The following MIOS variants were observed in gnomAD, a reference collection of about 807,000 sequenced individuals.
The protein encoded by MIOS is meiosis regulator for oocyte development.
A neutral mutation model predicts 96.9 loss-of-function variants in MIOS; 52 were observed. That is an observed-to-expected ratio of 0.54 (90% CI 0.43 to 0.68). MIOS has a LOEUF of 0.68. Ranked by LOEUF, MIOS falls within the 30% of genes least tolerant of loss-of-function variation. MIOS has a pLI of 0.00. For missense variants in MIOS, 1,005 were observed against 1,052.8 expected (o/e 0.95, Z 0.63); for synonymous variants, 397 against 359.5 (o/e 1.10, Z -1.18).
Position 7,568,060 on chromosome 7 carries a change from A to G in MIOS, c.-104A>G, listed in dbSNP as rs2115322168. On this transcript the variant is annotated 5_prime_UTR_variant, in exon 3 of 13. Coordinates refer to ENST00000340080, the MANE Select transcript of MIOS (RefSeq NM_019005.4). ...AAATATTCTGGTGAATGAACACAGA[A>G]TCAGCATGGCTTTCCTTTGCTGAGA... 1 of 152,388 alleles carries G rather than the reference A, an allele frequency of 6.6e-6. No homozygotes were observed. The highest frequency in any genetic ancestry group is 1.9e-4 in the East Asian group (1 of 5,190). 9.4% of individuals were successfully genotyped at this position (152,388 alleles called of 1,614,324 possible). A position where few individuals can be genotyped will look rare whatever the true frequency, so the allele number is the denominator to read the frequency against.
intron 3 of MIOS, among the ~76,000 whole-genome samples, chr7:7,570,854 T>C (rs1783327890): frequency 6.6e-6 from 1 of 152,146 alleles, no homozygotes; most frequent in Non-Finnish European, 1.5e-5. Context: ...GCTGCTCACC[T>C]CCTGCTGTGT....
At chr7:7,581,912 C>A (rs915883639) in intron 5 of MIOS, 2 of 151,514 alleles carry the variant, frequency 1.3e-5, no homozygotes, top group Non-Finnish European at 2.9e-5. Flanking sequence ...TTAATTATAT[C>A]TGCAAAATGC....
chr7:7,585,381 A>G (rs1429564108), intron 6 of MIOS, among the ~76,000 whole-genome samples: 1 of 150,042 alleles, frequency 6.7e-6, no homozygotes, highest in Non-Finnish European at 1.5e-5. Context: ...GTCTTTGCCA[A>G]ATTTTCCAGT....
intron 11 of MIOS, among the ~76,000 whole-genome samples, chr7:7,603,792 G>A (rs1784446721): frequency 6.6e-6 from 1 of 152,036 alleles, no homozygotes; most frequent in Non-Finnish European, 1.5e-5. Context: ...ATTCACAATA[G>A]CAAAGACTTG....
chr7:7,576,716 T>G (rs1202868084), intron 5 of MIOS, among the ~76,000 whole-genome samples: 1 of 152,146 alleles, frequency 6.6e-6, no homozygotes, highest in Non-Finnish European at 1.5e-5. Flanking sequence ...ATTTGTGTTT[T>G]AAAAGGATCA....
At chr7:7,601,517 A>C (rs1784378014) in intron 11 of MIOS, among the ~76,000 whole-genome samples, 2 of 152,168 alleles carry the variant, frequency 1.3e-5, no homozygotes, top group African/African-American at 4.8e-5. Context: ...CCAAGACTAA[A>C]CCAGGAAGAA....
At chr7:7,589,817 A>G (rs1421889459) in intron 9 of MIOS, among the ~76,000 whole-genome samples, 1 of 152,154 alleles carries the variant, frequency 6.6e-6, no homozygotes, top group East Asian at 1.9e-4. Context: ...TAAAGCTCAA[A>G]TTGAATAGAG....
chr7:7,583,212 T>C lies in MIOS; in HGVS notation c.1488T>C (p.Leu496=). ...AAGAGAGAATCTTAGCTTTACAGCTTTGTGGGTGGATAAAGAAAGGAACGG... is the reference window on the plus strand; with the variant it reads ...AAGAGAGAATCTTAGCTTTACAGCTCTGTGGGTGGATAAAGAAAGGAACGG... ...LNEERILALQ[L]CGWIKKGTDV... is the part of the protein sequence containing the mutation. Residue 496 remains leucine (L), a synonymous_variant, in exon 6 of 13, where the codon CTT becomes CTC. Coordinates refer to ENST00000340080, the MANE Select transcript of MIOS (RefSeq NM_019005.4). 2 of 1,614,118 alleles carry C rather than the reference T, an allele frequency of 1.2e-6. No homozygotes were observed. Among genetic ancestry groups the C allele is most frequent in the South Asian group, 1.1e-5 (1 of 91,080 alleles).
Position 7,589,415 on chromosome 7 carries a change from A to G in MIOS, c.1895A>G (p.Tyr632Cys). The part of the protein sequence containing the change: ...KFLSDTQLNR[Y>C]IEKLTNEMKE... Reference sequence around the variant, plus strand: ...CTTTAAATTTTCCAGTTAAATAGATACATCGAAAAGTTGACCAATGAAATG... The same window carrying G: ...CTTTAAATTTTCCAGTTAAATAGATGCATCGAAAAGTTGACCAATGAAATG... Residue 632 changes from tyrosine (Y) to cysteine (C), a missense_variant, in exon 9 of 13, where the codon TAC becomes TGC. By Grantham distance (194) the Tyr-to-Cys change is radical. This residue lies in a region of MIOS where 865 missense variants were observed against 887.9 expected (regional missense o/e 0.97). Transcript: ENST00000340080. The G allele has an allele frequency of 6.2e-7, 1 of 1,613,320 alleles. No homozygotes were observed. Among genetic ancestry groups the G allele is most frequent in the South Asian group, 1.1e-5 (1 of 91,002 alleles).
chr7:7,597,827 C>A (rs572558665), intron 11 of MIOS, among the ~76,000 whole-genome samples: 1 of 151,978 alleles, frequency 6.6e-6, no homozygotes, highest in African/African-American at 2.4e-5. Context: ...ATCCTCCCAC[C>A]TCAGCCTCCC....
At chr7:7,594,313 T>TC (rs1784139696) in intron 9 of MIOS, among the ~76,000 whole-genome samples, 1 of 25,842 alleles carries the variant, frequency 3.9e-5, no homozygotes, top group Non-Finnish European at 1.6e-4. Flanking sequence ...CATTTGGACT[T>TC]TTTTTTTTTT....
Position 7,608,462 on chromosome 7 carries a change from A to C in MIOS, c.*1370A>C, listed in dbSNP as rs988016878. ...ATTTTTTACCTTGAGTGTCTGATAC[A>C]TAAAACCCTTTTCTAGGAAAACATT... On this transcript the variant is annotated 3_prime_UTR_variant, in exon 13 of 13. Transcript: ENST00000340080. The C allele has an allele frequency of 2.0e-5, 3 of 152,102 alleles. No homozygotes were observed. The highest frequency in any genetic ancestry group is 7.2e-5 in the African/African-American group (3 of 41,458). The allele number at this position is 152,102 out of a possible 1,614,324, so 9.4% of individuals were successfully genotyped here.
intron 5 of MIOS, among the ~76,000 whole-genome samples, chr7:7,580,878 G>T (rs1447301594): frequency 6.7e-6 from 1 of 149,750 alleles, no homozygotes; most frequent in Non-Finnish European, 1.5e-5. Flanking sequence ...GTAGAGACCG[G>T]GTTTTGCCAT....
rs149990139 is a variant in MIOS, at chr7:7,608,003, T to C, written c.*911T>C. 1 of 152,292 alleles carries C rather than the reference T, an allele frequency of 6.6e-6. No homozygotes were observed. The highest frequency in any genetic ancestry group is 1.5e-5 in the Non-Finnish European group (1 of 68,004). 9.4% of individuals were successfully genotyped at this position (152,292 alleles called of 1,614,324 possible). On this transcript the variant is annotated 3_prime_UTR_variant, in exon 13 of 13. Transcript: ENST00000340080. ...ATTTAGTATAATCTATGTCAGTGTT[T>C]CTGTGCTGTCAAATTCCGTCCTGAT... is the stretch of plus-strand genomic sequence containing the variant.
chr7:7,591,263 G>A (rs914334892), intron 9 of MIOS, among the ~76,000 whole-genome samples: 1 of 148,234 alleles, frequency 6.7e-6, no homozygotes, highest in African/African-American at 2.5e-5. Flanking sequence ...TCTTATGCTT[G>A]TCTCCCTGTC....
At position 7,607,627 on chromosome 7, in the gene MIOS, T is replaced by C. The variant is rs1403586753; in HGVS notation, c.*535T>C. ...GAATATTTTTTATTACTGTCTGTTATATATGTGTCTATGTGTGTGTGTATA... is the reference window on the plus strand; with the variant it reads ...GAATATTTTTTATTACTGTCTGTTACATATGTGTCTATGTGTGTGTGTATA... On this transcript the variant is annotated 3_prime_UTR_variant, in exon 13 of 13. Transcript: ENST00000340080. The C allele has an allele frequency of 5.9e-5, 9 of 152,920 alleles. No homozygotes were observed. The highest frequency in any genetic ancestry group is 2.2e-4 in the African/African-American group (9 of 41,468). The allele number at this position is 152,920 out of a possible 1,614,324, so 9.5% of individuals were successfully genotyped here.
intron 6 of MIOS, among the ~76,000 whole-genome samples, chr7:7,583,969 C>A (rs1209131499): frequency 2.0e-5 from 3 of 152,160 alleles, no homozygotes; most frequent in African/African-American, 7.2e-5. Context: ...CTCGGAAAAA[C>A]AAATCCTAAT....
intron 11 of MIOS, among the ~76,000 whole-genome samples, chr7:7,597,686 C>T (rs1405541280): frequency 4.0e-5 from 6 of 150,632 alleles, no homozygotes; most frequent in African/African-American, 1.2e-4. Flanking sequence ...ACACAGTGTT[C>T]GTTTTTGTTT....
chr7:7,587,791 G>C (rs966432700), intron 7 of MIOS, among the ~76,000 whole-genome samples: 1 of 152,056 alleles, frequency 6.6e-6, no homozygotes, highest in African/African-American at 2.4e-5. Context: ...ATTTTCATAG[G>C]ATGACTTCAG....
Sources: allele counts gnomAD v4.1 joint callset (sites outside exome capture counted in the v4.1 genomes callset), GRCh38; gene constraint gnomAD v4.1.1; regional missense constraint gnomAD v4.1.1; transcripts MANE v1.5; gene names NCBI Gene and HGNC (gene_info 2026-07-23, HGNC 2026-07-21).